The following RIC1 variants were observed in gnomAD, a reference collection of about 807,000 sequenced individuals.
RIC1 encodes the protein RIC1 partner of RAB6A GEF complex, also known as guanine nucleotide exchange factor subunit RIC1.
RIC1 carries 88 observed loss-of-function variants against 169.0 expected under a neutral mutation model. That is an observed-to-expected ratio of 0.52 (90% CI 0.44 to 0.62). RIC1 has a LOEUF of 0.62. Ranked by LOEUF, RIC1 falls within the 20% of genes least tolerant of loss-of-function variation. The probability of loss-of-function intolerance (pLI) is 0.00; values close to 1 mark genes in which losing one functional copy is unlikely to be tolerated. For missense variants in RIC1, 1,877 were observed against 1,725.5 expected (o/e 1.09, Z -1.56); for synonymous variants, 790 against 601.5 (o/e 1.31, Z -4.59).
chr9:5,765,596 T>A, intron 20 of RIC1, 24 bp downstream of exon 20: 1 of 1,614,002 alleles, frequency 6.2e-7, no homozygotes, highest in Non-Finnish European at 8.5e-7. Context: ...GTTACACATC[T>A]TCTCTAGGCC....
At chr9:5,734,731 C>T (rs778247787) in intron 7 of RIC1, among the ~76,000 whole-genome samples, 41 of 138,438 alleles carry the variant, frequency 3.0e-4, no homozygotes, top group Non-Finnish European at 5.3e-4. Flanking sequence ...CCTTGACTCA[C>T]TTAGTAACTG....
At chr9:5,631,617 G>C (rs1022140129) in intron 1 of RIC1, among the ~76,000 whole-genome samples, 1 of 150,758 alleles carries the variant, frequency 6.6e-6, no homozygotes, top group Non-Finnish European at 1.5e-5. Flanking sequence ...AACCCAAGAG[G>C]CAGAGGTTGC....
At chr9:5,744,116 G>T (rs1418254037) in intron 10 of RIC1, among the ~76,000 whole-genome samples, 4 of 150,768 alleles carry the variant, frequency 2.7e-5, no homozygotes, top group Non-Finnish European at 5.9e-5. Context: ...AAAGTCTTTT[G>T]TTTTTTTTTA....
intron 15 of RIC1, 102 bp from the exon 16 acceptor site, chr9:5,756,110 A>G: frequency 1.4e-6 from 1 of 698,648 alleles, no homozygotes. Flanking sequence ...TTACTAAAAA[A>G]AAAAAAAAAA....
chr9:5,711,314 T>C (rs1050896495), intron 3 of RIC1, among the ~76,000 whole-genome samples: 1 of 152,132 alleles, frequency 6.6e-6, no homozygotes, highest in Non-Finnish European at 1.5e-5. Flanking sequence ...ATGCATACTT[T>C]TTAATTATTA....
chr9:5,753,121 C>A, intron 12 of RIC1, 79 bp from the exon 13 acceptor site: 1 of 1,278,506 alleles, frequency 7.8e-7, no homozygotes, highest in Non-Finnish European at 1.1e-6. Context: ...CAAGATGAAT[C>A]TCATAGTGTG....
chr9:5,632,875 G>C (rs919082853), intron 1 of RIC1, among the ~76,000 whole-genome samples: 2 of 152,110 alleles, frequency 1.3e-5, no homozygotes, highest in African/African-American at 4.8e-5. Flanking sequence ...TTTGAATTTA[G>C]CCATTCTAAA....
intron 21 of RIC1, among the ~76,000 whole-genome samples, chr9:5,766,328 A>AC (rs1457742093): frequency 2.0e-5 from 3 of 152,088 alleles, no homozygotes; most frequent in Non-Finnish European, 2.9e-5. Context: ...AGCGTGAGCC[A>AC]CCCTACCTGG....
intron 6 of RIC1, among the ~76,000 whole-genome samples, chr9:5,729,013 C>T (rs527678202): frequency 1.3e-5 from 2 of 152,104 alleles, no homozygotes; most frequent in Non-Finnish European, 2.9e-5. Context: ...TCCCTCTGTC[C>T]CTCCCTTCTG....
rs367996676 is a variant in RIC1 at position 5,637,711 on chromosome 9, T to A, written c.144+8258T>A. Among the ~76,000 whole-genome samples, 24 of 152,340 alleles carry A rather than the reference T, an allele frequency of 1.6e-4. No homozygotes were observed. In the East Asian group the frequency reaches 4.2e-3, roughly 27 times the overall value. On this transcript the variant is annotated intron_variant, in intron 1 of 25. Transcript: ENST00000414202. ...CCCACAAATAAGTGAGAACATGCGA[T>A]GTTTGTCTCTCTATGCCTTGCTTAT...
chr9:5,762,138 T>C lies in RIC1; in HGVS notation c.1993-403T>C, dbSNP rs117191791. Among the ~76,000 whole-genome samples, 800 of 152,318 alleles carry C rather than the reference T, an allele frequency of 5.3e-3. 6 individuals carry two copies. Among genetic ancestry groups the C allele is most frequent in the Middle Eastern group, 0.017 (5 of 294 alleles). On this transcript the variant is annotated intron_variant, in intron 17 of 25. Transcript: ENST00000414202. ...AATAGTTCCATGTCTTCGTTTTCCA[T>C]TAGATTACCAACCCTTACTCTCCCA...
Position 5,656,587 on chromosome 9 carries a change from G to T in RIC1, c.149G>T (p.Ser50Ile). Residue 50 changes from serine (S) to isoleucine (I), a missense_variant, in exon 2 of 26, where the codon AGT becomes ATT. Around this residue, in one of 3 missense-constraint regions of RIC1, gnomAD observed 1,104 missense variants for 992.0 expected, o/e 1.11. Coordinates refer to ENST00000414202, the MANE Select transcript of RIC1 (RefSeq NM_020829.4). ...ARLSIWYSRP[S>I]VLIVTYKEPA... ...TTTTTTTTTTTAATCACACAGCCTA[G>T]TGTGTTAATTGTAACCTACAAGGAG... The T allele has an allele frequency of 6.5e-7, 1 of 1,547,810 alleles. No homozygotes were observed.
chr9:5,778,278 ACTTTTT>A (rs752458137), downstream of RIC1, among the ~76,000 whole-genome samples: 24 of 152,230 alleles, frequency 1.6e-4, no homozygotes, highest in Non-Finnish European at 3.1e-4. Context: ...GCAACATCAA[ACTTTTT>A]CTTTTTTGTG....
chr9:5,720,532 C>T, intron 5 of RIC1, 82 bp from the exon 6 acceptor site: 1 of 1,371,334 alleles, frequency 7.3e-7, no homozygotes, highest in Non-Finnish European at 9.9e-7. Context: ...CCCTTTTAAA[C>T]TTACAGGTTT....
intron 2 of RIC1, among the ~76,000 whole-genome samples, chr9:5,682,556 G>T (rs1820921019): frequency 6.6e-6 from 1 of 151,906 alleles, no homozygotes; most frequent in South Asian, 2.1e-4. Flanking sequence ...TTCTCTTTGT[G>T]GGTAACCCGA....
intron 3 of RIC1, among the ~76,000 whole-genome samples, chr9:5,710,305 G>A (rs1312540431): frequency 6.6e-6 from 1 of 152,154 alleles, no homozygotes; most frequent in Non-Finnish European, 1.5e-5. Context: ...ATACTGTCTG[G>A]TTTAACAATA....
At chr9:5,675,137 C>T (rs1031061702) in intron 2 of RIC1, among the ~76,000 whole-genome samples, 4 of 152,162 alleles carry the variant, frequency 2.6e-5, no homozygotes, top group Non-Finnish European at 5.9e-5. Flanking sequence ...TGTGTCGTTC[C>T]CCTCTTGGCT....
At chr9:5,686,710 T>A (rs62557382) in intron 2 of RIC1, among the ~76,000 whole-genome samples, 3,930 of 151,938 alleles carry the variant, frequency 0.026, 72 homozygotes, top group Admixed American at 0.044. Context: ...CGCACCAGTA[T>A]GGCACATGTA....
intron 15 of RIC1, 65 bp from the exon 16 acceptor site, chr9:5,756,147 A>G (rs1297736933): frequency 3.7e-6 from 4 of 1,069,280 alleles, no homozygotes; most frequent in Non-Finnish European, 3.7e-6. Context: ...AGCATGTTTA[A>G]AGTATTTGGT....
Sources: allele counts gnomAD v4.1 joint callset (sites outside exome capture counted in the v4.1 genomes callset), GRCh38; gene constraint gnomAD v4.1.1; regional missense constraint gnomAD v4.1.1; transcripts MANE v1.5; gene names NCBI Gene and HGNC (gene_info 2026-07-23, HGNC 2026-07-21).